GRIK5: variants seen among roughly 807,000 people sequenced by gnomAD.
GRIK5 encodes glutamate ionotropic receptor kainate type subunit 5, also known as glutamate receptor ionotropic, kainate 5.
A neutral mutation model predicts 97.4 loss-of-function variants in GRIK5; 43 were observed. That is an observed-to-expected ratio of 0.44 (90% confidence interval 0.35 to 0.57). The LOEUF is 0.57. Among genes scored for constraint, GRIK5 ranks in the 20% least tolerant of loss-of-function variants. The pLI is 0.01. For synonymous variants in GRIK5, 580 were observed against 583.5 expected, an observed-to-expected ratio of 0.99 and a Z score of 0.09; for missense variants, 1,015 against 1,382.0, an observed-to-expected ratio of 0.73 and a Z score of 4.21.
chr19:42,054,434 C>T lies in GRIK5; in HGVS notation c.942G>A (p.Val314=), dbSNP rs1394321819. 1.2e-6 allele frequency: 2 copies of T among 1,613,552 alleles called. No individual in the cohort carries two copies. The highest frequency in any genetic ancestry group is 1.7e-6 in the Non-Finnish European group (2 of 1,180,008). ...GGTTCAGCTCTCGGACAGCGCTCAC[C>T]ACCACGTGCACGGCGTCAAACATCA... ...AALMFDAVHV[V]VSAVRELNRS... The change falls in exon 9 of 20, where the codon GTG becomes GTA. Residue 314 remains valine, a synonymous_variant. Transcript: ENST00000593562.
Position 41,998,639 on chromosome 19 carries a change from G to T in GRIK5, c.*232C>A. The T allele has an allele frequency of 5.4e-6, 1 of 184,862 alleles. No homozygotes were observed. Among genetic ancestry groups the T allele is most frequent in the Non-Finnish European group, 1.1e-5 (1 of 90,718 alleles). 11.5% of individuals were successfully genotyped at this position (184,862 alleles called of 1,614,324 possible). ...AAGTCCCCAGCCCCTGGAGTCCTCG[G>T]TTCCTGCGCCCTTCTCGCCCGCGGC... On this transcript the variant is annotated 3_prime_UTR_variant, in exon 20 of 20. Transcript: ENST00000593562.
chr19:42,012,549 C>T (rs2075576742), intron 15 of GRIK5, among the ~76,000 whole-genome samples: 2 of 152,124 alleles, frequency 1.3e-5, no homozygotes, highest in African/African-American at 4.8e-5. Flanking sequence ...CCACGCCCGG[C>T]CAGTTTTCAC....
intron 15 of GRIK5, among the ~76,000 whole-genome samples, chr19:42,011,319 G>A (rs1388622475): frequency 3.3e-5 from 5 of 151,300 alleles, no homozygotes; most frequent in African/African-American, 9.7e-5. Flanking sequence ...TTGGGAGGCC[G>A]AGGCAGGAGG....
chr19:42,066,837 C>T (rs937059268), intron 1 of GRIK5, among the ~76,000 whole-genome samples: 32 of 151,978 alleles, frequency 2.1e-4, no homozygotes, highest in African/African-American at 7.5e-4. Flanking sequence ...AGATAGGAAC[C>T]GACTCGGATA....
At chr19:42,001,570 T>G (rs2075423664) in intron 19 of GRIK5, among the ~76,000 whole-genome samples, 1 of 152,194 alleles carries the variant, frequency 6.6e-6, no homozygotes, top group Non-Finnish European at 1.5e-5. Context: ...TGTTGTCACT[T>G]GGCCACCTCC....
intron 11 of GRIK5, among the ~76,000 whole-genome samples, chr19:42,044,273 C>T (rs778177001): frequency 2.6e-5 from 4 of 152,176 alleles, no homozygotes; most frequent in Non-Finnish European, 5.9e-5. Flanking sequence ...TACCGAGTCT[C>T]GGGCAGTTCT....
At position 42,065,125 on chromosome 19, in the gene GRIK5, G is replaced by A; in HGVS notation, c.244+98C>T. On this transcript the variant is annotated intron_variant, in intron 3 of 19. Coordinates refer to ENST00000593562, the MANE Select transcript of GRIK5 (RefSeq NM_002088.5). This position sits in a 1 kb window ranked among gnomAD's most constrained non-coding sequence, Gnocchi z 5.8. ...ACAAAGAAGGGGGAGGATGGAGCTA[G>A]AAGAGGACAAGGCCAGGCCAGAGGC... 9.6e-7 allele frequency: 1 copy of A among 1,039,270 alleles called. No homozygotes were observed. The highest frequency in any genetic ancestry group is 2.2e-5 in the Admixed American group (1 of 44,874). The allele number at this position is 1,039,270 out of a possible 1,614,324, so 64.4% of individuals were successfully genotyped here. A position where few individuals can be genotyped will look rare whatever the true frequency, so the allele number is the denominator to read the frequency against.
intron 15 of GRIK5, among the ~76,000 whole-genome samples, chr19:42,013,890 G>GC (rs2075595419): frequency 2.0e-5 from 3 of 151,294 alleles, no homozygotes; most frequent in African/African-American, 7.3e-5. Context: ...TTAGCCGGGT[G>GC]TGGCGTCGCA....
intron 12 of GRIK5, among the ~76,000 whole-genome samples, chr19:42,033,611 C>T (rs2075866702): frequency 1.3e-5 from 2 of 152,224 alleles, no homozygotes; most frequent in Non-Finnish European, 2.9e-5. Flanking sequence ...ATAGTGATTA[C>T]ACAACACTGT....
chr19:42,000,116 C>T (rs1340019912), intron 19 of GRIK5, among the ~76,000 whole-genome samples: 7 of 152,178 alleles, frequency 4.6e-5, no homozygotes, highest in Admixed American at 2.0e-4. Context: ...GGAGCAGTGG[C>T]GGCCAGCTCT....
chr19:42,010,624 T>A (rs2075550074), intron 15 of GRIK5, among the ~76,000 whole-genome samples: 1 of 152,066 alleles, frequency 6.6e-6, no homozygotes, highest in Non-Finnish European at 1.5e-5. Context: ...AAACCAAAGC[T>A]GGGAGAATTA....
In GRIK5 at chr19:42,053,218, C is replaced by T. The variant is rs2076138683; in HGVS notation, c.1269+384G>A. Among the ~76,000 whole-genome samples, 6 of 152,174 alleles carry T rather than the reference C, an allele frequency of 3.9e-5. No homozygotes were observed. In the South Asian group the frequency reaches 1.2e-3, roughly 32 times the overall value. ...GCTGTGCCGGGTGCTTGCTGTGTGA[C>T]CCTGGGCAAGTCGCCTCCCCTCTCT... On this transcript the variant is annotated intron_variant, in intron 11 of 19. Coordinates refer to ENST00000593562, the MANE Select transcript of GRIK5 (RefSeq NM_002088.5).
At chr19:42,032,460 A>G (rs753774702) in intron 12 of GRIK5, among the ~76,000 whole-genome samples, 6 of 152,222 alleles carry the variant, frequency 3.9e-5, no homozygotes, top group Admixed American at 6.5e-5. Context: ...CCTTTGACCC[A>G]GCACTTTCAC....
chr19:42,039,860 G>A (rs2075957119), intron 12 of GRIK5, among the ~76,000 whole-genome samples: 1 of 151,864 alleles, frequency 6.6e-6, no homozygotes, highest in Non-Finnish European at 1.5e-5. Flanking sequence ...TATGCCTATA[G>A]TCCCAGCAAC....
At chr19:42,008,033 AT>A (rs1214538006) in intron 15 of GRIK5, among the ~76,000 whole-genome samples, 128 of 146,874 alleles carry the variant, frequency 8.7e-4, no homozygotes, top group Middle Eastern at 3.6e-3. Flanking sequence ...CTGTTATGTA[AT>A]TTTTTTTTTT....
In GRIK5 at chr19:42,003,471, T is replaced by A. The variant is rs371993759; in HGVS notation, c.2393-18A>T. 1 of 1,611,904 alleles carries A rather than the reference T, an allele frequency of 6.2e-7. No individual in the cohort carries two copies. The highest frequency in any genetic ancestry group is 1.3e-5 in the African/African-American group (1 of 74,532). On this transcript the variant is annotated intron_variant, in intron 18 of 19. Coordinates refer to ENST00000593562, the MANE Select transcript of GRIK5 (RefSeq NM_002088.5). The surrounding 1 kb of genome is among the most constrained non-coding windows in gnomAD (Gnocchi z 4.2). ...GCCCAAACCTGGAGGGCGAAGGGAG[T>A]TGGGGGGCAAAGGGAGTTGGGGCTG... is the stretch of plus-strand genomic sequence containing the variant.
intron 5 of GRIK5, among the ~76,000 whole-genome samples, chr19:42,061,481 A>G (rs1244146115): frequency 6.6e-6 from 1 of 152,170 alleles, no homozygotes; most frequent in Admixed American, 6.5e-5. Context: ...ACCTGGCCCA[A>G]TAAATACTTC....
chr19:42,032,410 A>G (rs1280358226), intron 12 of GRIK5, among the ~76,000 whole-genome samples: 1 of 152,232 alleles, frequency 6.6e-6, no homozygotes, highest in Non-Finnish European at 1.5e-5. Context: ...AGCCTTTTTG[A>G]ACAGCCATTT....
At position 41,999,428 on chromosome 19, in the gene GRIK5, T is replaced by C; in HGVS notation, c.2515-129A>G. 1 of 668,134 alleles carries C rather than the reference T, an allele frequency of 1.5e-6. No individual in the cohort carries two copies. Among genetic ancestry groups the C allele is most frequent in the South Asian group, 2.0e-5 (1 of 49,058 alleles). The allele number at this position is 668,134 out of a possible 1,614,324, so 41.4% of individuals were successfully genotyped here. A position where few individuals can be genotyped will look rare whatever the true frequency, so the allele number is the denominator to read the frequency against. On this transcript the variant is annotated intron_variant, in intron 19 of 19. Transcript: ENST00000593562. The surrounding 1 kb of genome is among the most constrained non-coding windows in gnomAD (Gnocchi z 5.0). Reference sequence around the variant, plus strand: ...TTTCTTCCTTCTGCCCTCGCTTCCCTTCCCACTTCTCTTCCCTTTATCTCC... The same window carrying C: ...TTTCTTCCTTCTGCCCTCGCTTCCCCTCCCACTTCTCTTCCCTTTATCTCC...
Sources: allele counts gnomAD v4.1 joint callset (sites outside exome capture counted in the v4.1 genomes callset), GRCh38; gene constraint gnomAD v4.1.1; non-coding constraint Gnocchi (gnomAD v3.1); transcripts MANE v1.5; gene names NCBI Gene and HGNC (gene_info 2026-07-23, HGNC 2026-07-21).